THSD7A: variants seen among roughly 807,000 people sequenced by gnomAD.
THSD7A encodes the protein thrombospondin type-1 domain-containing protein 7A.
THSD7A carries 96 observed loss-of-function variants against 231.3 expected under a neutral mutation model. The ratio of observed to expected loss-of-function variants is 0.41; its 90% confidence interval spans 0.35 to 0.49. The LOEUF (loss-of-function observed/expected upper bound fraction) is 0.49, where lower values mean the gene tolerates loss of function less well. Among genes scored for constraint, THSD7A ranks in the 20% least tolerant of loss-of-function variants. The pLI is 0.05. For missense variants in THSD7A, 2,290 were observed against 2,070.2 expected, an observed-to-expected ratio of 1.11 and a Z score of -2.06; for synonymous variants, 940 against 743.3, an observed-to-expected ratio of 1.26 and a Z score of -4.30.
intron 4 of THSD7A, among the ~76,000 whole-genome samples, chr7:11,545,070 A>G (rs113099907): frequency 2.2e-4 from 33 of 152,284 alleles, no homozygotes; most frequent in African/African-American, 7.9e-4. Flanking sequence ...CCAATGATAC[A>G]CATTTCATAT....
intron 1 of THSD7A, among the ~76,000 whole-genome samples, chr7:11,711,152 G>T (rs1780949081): frequency 6.6e-6 from 1 of 150,860 alleles, no homozygotes; most frequent in South Asian, 2.1e-4. Flanking sequence ...AAATTAATCA[G>T]AAATGAAAAT....
chr7:11,641,545 A>AT (rs1439327747), intron 1 of THSD7A, among the ~76,000 whole-genome samples: 1 of 152,088 alleles, frequency 6.6e-6, no homozygotes. Context: ...ATTCCCACAG[A>AT]TTTTTATTAA....
chr7:11,556,886 T>C (rs1488498488), intron 4 of THSD7A, among the ~76,000 whole-genome samples: 1 of 152,046 alleles, frequency 6.6e-6, no homozygotes, highest in African/African-American at 2.4e-5. Flanking sequence ...TGCTTTCAAA[T>C]ACTTTTATCT....
At chr7:11,394,076 AG>A (rs1230481202) in intron 23 of THSD7A, among the ~76,000 whole-genome samples, 1 of 152,206 alleles carries the variant, frequency 6.6e-6, no homozygotes, top group African/African-American at 2.4e-5. Flanking sequence ...CGATTCACAA[AG>A]GTTGAAATGA....
At chr7:11,780,915 C>T (rs1195643521) in intron 1 of THSD7A, among the ~76,000 whole-genome samples, 3 of 134,472 alleles carry the variant, frequency 2.2e-5, no homozygotes, top group African/African-American at 8.4e-5. Flanking sequence ...GGCGTGAACC[C>T]GGGAAGCGGA....
chr7:11,551,091 G>A lies in THSD7A; in HGVS notation c.1454-7974C>T, dbSNP rs138879411. ...CAAAAAGGTCAACAAAAACCAATAC[G>A]GAAAGGACTCCTGATTCAATAAGTT... On this transcript the variant is annotated intron_variant, in intron 4 of 27. Coordinates refer to ENST00000423059, the MANE Select transcript of THSD7A (RefSeq NM_015204.3). Among the ~76,000 whole-genome samples the A allele has an allele frequency of 5.7e-4, 86 of 152,052 alleles. 2 individuals are homozygous for A. The East Asian group carries it at 0.014, about 25-fold the overall frequency.
At chr7:11,443,968 C>A (rs12536926) in intron 13 of THSD7A, among the ~76,000 whole-genome samples, 1 of 151,944 alleles carries the variant, frequency 6.6e-6, no homozygotes, top group Non-Finnish European at 1.5e-5. Context: ...CAAGAAAAAA[C>A]CCCATCCAAA....
chr7:11,831,801 G>T lies in THSD7A; in HGVS notation c.146C>A (p.Ala49Glu). ...LLRPGAGRAA[A>E]QGEAEAPTLY... ...GGTGGGCGCCTCCGCCTCGCCCTGC[G>T]CCGCAGCCCTGCCGGCGCCCGGGCG... The change falls in exon 1 of 28, where the codon GCG (alanine) becomes GAG (glutamate). Residue 49 changes from alanine (A) to glutamate (E), a missense_variant. By Grantham distance (107) the Ala-to-Glu change is moderately radical. Transcript: ENST00000423059. The surrounding 1 kb of genome is among the most constrained non-coding windows in gnomAD (Gnocchi z 5.0). 1.4e-6 allele frequency: 2 copies of T among 1,462,758 alleles called. No homozygotes were observed. The highest frequency in any genetic ancestry group is 9.1e-7 in the Non-Finnish European group (1 of 1,103,720). 90.6% of individuals were successfully genotyped at this position (1,462,758 alleles called of 1,614,324 possible).
intron 1 of THSD7A, among the ~76,000 whole-genome samples, chr7:11,815,948 C>T (rs1004101611): frequency 6.6e-6 from 1 of 152,098 alleles, no homozygotes; most frequent in African/African-American, 2.4e-5. Context: ...AATTTCTTCA[C>T]AACTGTTCCT....
intron 23 of THSD7A, among the ~76,000 whole-genome samples, chr7:11,397,845 A>G (rs529359986): frequency 3.9e-5 from 6 of 152,342 alleles, no homozygotes; most frequent in Admixed American, 3.3e-4. Flanking sequence ...CAAAACCACA[A>G]TGAGATACCA....
rs191680084 is a variant in THSD7A, at chr7:11,735,220, T to A, written c.190+96537A>T. 6.1e-3 allele frequency among the ~76,000 whole-genome samples: 922 copies of A among 152,040 alleles called. 11 individuals are homozygous for A. The highest frequency in any genetic ancestry group is 0.038 in the South Asian group (184 of 4,826). On this transcript the variant is annotated intron_variant, in intron 1 of 27. Transcript: ENST00000423059. ...ACTTATTTGGCACTTAAGAATATAT[T>A]AGTTGGTGGTATTTTTGGTGTTCTA...
chr7:11,472,594 G>A (rs1562637211), intron 8 of THSD7A, among the ~76,000 whole-genome samples: 1 of 152,044 alleles, frequency 6.6e-6, no homozygotes, highest in Admixed American at 6.6e-5. Context: ...AGGCTGCAAG[G>A]GTGAAGCAAA....
intron 2 of THSD7A, among the ~76,000 whole-genome samples, chr7:11,621,797 A>G (rs1781318912): frequency 6.6e-6 from 1 of 152,146 alleles, no homozygotes; most frequent in Non-Finnish European, 1.5e-5. Flanking sequence ...GTGATGCAGT[A>G]ATTTTTTCTC....
At chr7:11,816,431 C>T (rs12699276) in intron 1 of THSD7A, among the ~76,000 whole-genome samples, 69,002 of 151,998 alleles carry the variant, frequency 0.45, 16,464 homozygotes, top group African/African-American at 0.6. Context: ...GGAAACTATT[C>T]ACAAGTAATG....
chr7:11,772,915 A>G (rs2128172187), intron 1 of THSD7A, among the ~76,000 whole-genome samples: 1 of 152,348 alleles, frequency 6.6e-6, no homozygotes, highest in Non-Finnish European at 1.5e-5. Context: ...AACAACAGTC[A>G]AGATAATTTC....
At chr7:11,768,043 A>G (rs1474636436) in intron 1 of THSD7A, among the ~76,000 whole-genome samples, 4 of 152,162 alleles carry the variant, frequency 2.6e-5, no homozygotes, top group Non-Finnish European at 4.4e-5. Context: ...CAATAAAAGG[A>G]TTTAGAATAA....
At chr7:11,456,045 T>G (rs1307650874) in intron 11 of THSD7A, among the ~76,000 whole-genome samples, 2 of 151,932 alleles carry the variant, frequency 1.3e-5, no homozygotes, top group Admixed American at 1.3e-4. Flanking sequence ...AAGAAGGAAT[T>G]TGTGTTACAT....
At chr7:11,402,002 T>G in intron 22 of THSD7A, 34 bp from the exon 23 acceptor site, 1 of 1,586,548 alleles carries the variant, frequency 6.3e-7, no homozygotes, top group Non-Finnish European at 8.6e-7. Context: ...TACACCCATA[T>G]CCACAGAGAA....
At chr7:11,592,263 A>T (rs1780195924) in intron 3 of THSD7A, among the ~76,000 whole-genome samples, 1 of 151,728 alleles carries the variant, frequency 6.6e-6, no homozygotes, top group East Asian at 1.9e-4. Flanking sequence ...AAACATTACT[A>T]TTTTTTTTGT....
Sources: gnomAD v4.1 joint callset for allele counts (sites outside exome capture counted in the v4.1 genomes callset) on GRCh38, gnomAD v4.1.1 for gene constraint, Gnocchi (gnomAD v3.1) non-coding constraint, MANE v1.5 for transcripts, NCBI Gene and HGNC (gene_info 2026-07-23, HGNC 2026-07-21) for gene names.